Variants in HSPA4 observed in about 807,000 individuals in gnomAD.
HSPA4 encodes heat shock 70 kDa protein 4.
HSPA4 carries 25 observed loss-of-function variants against 106.2 expected under a neutral mutation model. The observed-to-expected ratio is 0.24, with a 90% CI of 0.17 to 0.33. The LOEUF (loss-of-function observed/expected upper bound fraction) is 0.33, where lower values mean the gene tolerates loss of function less well. Ranked by LOEUF, HSPA4 falls within the 10% of genes least tolerant of loss-of-function variation. The pLI, the probability that HSPA4 is intolerant of heterozygous loss-of-function variation, is 1.00. For synonymous variants in HSPA4, 332 were observed against 333.6 expected (o/e 1.00, Z 0.05); for missense variants, 841 against 996.0 (o/e 0.84, Z 2.10).
Position 133,086,831 on chromosome 5 carries a change from C to G in HSPA4, c.958C>G (p.Pro320Ala). Reference sequence around the variant, plus strand: ...TGATCTCTTAGCTAGAGTGGAGCCACCACTTCGTAGTGTTTTGGAACAAAC... The same window carrying G: ...TGATCTCTTAGCTAGAGTGGAGCCAGCACTTCGTAGTGTTTTGGAACAAAC... ...CNDLLARVEP[P>A]LRSVLEQTKL... The change falls in exon 8 of 19, where the codon CCA becomes GCA. Residue 320 changes from proline to alanine, a missense_variant. Physicochemically the swap from Pro to Ala is conservative, Grantham distance 27 (BLOSUM62 -1). Coordinates refer to ENST00000304858, the MANE Select transcript of HSPA4 (RefSeq NM_002154.4). 2 of 1,613,578 alleles carry G rather than the reference C, an allele frequency of 1.2e-6. No homozygotes were observed. Among genetic ancestry groups the G allele is most frequent in the South Asian group, 2.2e-5 (2 of 91,064 alleles).
intron 13 of HSPA4, among the ~76,000 whole-genome samples, 196 bp downstream of exon 13, chr5:133,092,985 A>ATT (rs537301370): frequency 7.6e-6 from 1 of 132,018 alleles, no homozygotes; most frequent in African/African-American, 2.8e-5. Context: ...CACGGCAGCT[A>ATT]TTTTTTTTTT....
intron 16 of HSPA4, among the ~76,000 whole-genome samples, chr5:133,100,044 A>T (rs369784617): frequency 6.6e-6 from 1 of 151,650 alleles, no homozygotes; most frequent in East Asian, 1.9e-4. Context: ...TTATTATTTT[A>T]TTTATTTATT....
At position 133,104,510 on chromosome 5, in the gene HSPA4, A is replaced by G. The variant is rs999040730; in HGVS notation, c.*74A>G. On this transcript the variant is annotated 3_prime_UTR_variant, in exon 19 of 19. Coordinates refer to ENST00000304858, the MANE Select transcript of HSPA4 (RefSeq NM_002154.4). ...GTCAACTTTGTTCTAAATATCAACTAGCGCAAGTGAATACTGAAGATTTCT... is the reference window on the plus strand; with the variant it reads ...GTCAACTTTGTTCTAAATATCAACTGGCGCAAGTGAATACTGAAGATTTCT... 7.5e-6 allele frequency: 10 copies of G among 1,336,632 alleles called. No individual in the cohort carries two copies. The African/African-American group carries it at 1.3e-4, about 18-fold the overall frequency. 82.8% of individuals were successfully genotyped at this position (1,336,632 alleles called of 1,614,324 possible).
chr5:133,074,233 C>A, intron 6 of HSPA4, 107 bp downstream of exon 6: 1 of 646,022 alleles, frequency 1.5e-6, no homozygotes, highest in South Asian at 2.4e-5. Context: ...ACAATGCATA[C>A]CTTACAGGGT....
At chr5:133,071,167 C>T (rs1189170556) in intron 4 of HSPA4, among the ~76,000 whole-genome samples, 1 of 150,470 alleles carries the variant, frequency 6.6e-6, no homozygotes, top group Non-Finnish European at 1.5e-5. Flanking sequence ...TGGTATCTAG[C>T]GTTAAAGACA....
chr5:133,074,822 T>C (rs145958873), intron 6 of HSPA4, among the ~76,000 whole-genome samples: 338 of 152,300 alleles, frequency 2.2e-3, no homozygotes, highest in African/African-American at 7.7e-3. Context: ...TCTGTCATAG[T>C]TGAGTTTGCT....
chr5:133,086,848 G>A lies in HSPA4; in HGVS notation c.975G>A (p.Leu325=). The A allele has an allele frequency of 1.2e-6, 2 of 1,610,428 alleles. No individual in the cohort carries two copies. Among genetic ancestry groups the A allele is most frequent in the Non-Finnish European group, 1.7e-6 (2 of 1,176,766 alleles). Residue 325 remains leucine, a synonymous_variant, in exon 8 of 19, where the codon TTG becomes TTA. Coordinates refer to ENST00000304858, the MANE Select transcript of HSPA4 (RefSeq NM_002154.4). ...ARVEPPLRSV[L]EQTKLKKEDI... ...TGGAGCCACCACTTCGTAGTGTTTT[G>A]GAACAAACCAGTAAGTATTTTTGTG...
intron 3 of HSPA4, 22 bp downstream of exon 3, chr5:133,067,579 CT>C: frequency 6.4e-7 from 1 of 1,559,454 alleles, no homozygotes; most frequent in Non-Finnish European, 8.8e-7. Context: ...AGGTTAATGC[CT>C]TTTAATTAAA....
intron 12 of HSPA4, among the ~76,000 whole-genome samples, chr5:133,092,167 A>G (rs897475888): frequency 6.6e-6 from 1 of 152,232 alleles, no homozygotes; most frequent in Non-Finnish European, 1.5e-5. Flanking sequence ...TGTTGCAGGC[A>G]TTGAGAAGCC....
chr5:133,101,710 C>T, intron 16 of HSPA4, 49 bp from the exon 17 acceptor site: 1 of 1,574,768 alleles, frequency 6.4e-7, no homozygotes, highest in Non-Finnish European at 8.7e-7. Flanking sequence ...GGAATCAGTA[C>T]TCTGGATCGT....
At chr5:133,095,424 TGTAA>T in intron 13 of HSPA4, among the ~76,000 whole-genome samples, 1 of 152,304 alleles carries the variant, frequency 6.6e-6, no homozygotes, top group Non-Finnish European at 1.5e-5. Context: ...ACATATGGCT[TGTAA>T]GTGTCTGAAA....
intron 6 of HSPA4, 37 bp downstream of exon 6, chr5:133,074,163 G>T: frequency 1.4e-6 from 2 of 1,414,766 alleles, no homozygotes; most frequent in Non-Finnish European, 1.9e-6. Flanking sequence ...ACTGTTAGTA[G>T]TATGGTAATT....
Position 133,067,483 on chromosome 5 carries a change from C to G in HSPA4, c.232C>G (p.Pro78Ala). The G allele has an allele frequency of 6.2e-7, 1 of 1,613,406 alleles. No individual in the cohort carries two copies. Among genetic ancestry groups the G allele is most frequent in the Non-Finnish European group, 8.5e-7 (1 of 1,179,348 alleles). The change falls in exon 3 of 19, where the codon CCA (proline) becomes GCA (alanine). Residue 78 changes from proline to alanine, a missense_variant. Around this residue, in one of 5 missense-constraint regions of HSPA4, gnomAD observed 347 missense variants for 408.7 expected, o/e 0.85. Transcript: ENST00000304858. ...ATTCCATGGCCGAGCATTCTCTGAT[C>G]CATTTGTGGAGGCAGAAAAATCTAA... ...KRFHGRAFSDPFVEAEKSNLA... is the reference protein window; with the variant it reads ...KRFHGRAFSDAFVEAEKSNLA...
intron 13 of HSPA4, among the ~76,000 whole-genome samples, chr5:133,094,226 G>A (rs573527198): frequency 5.3e-5 from 8 of 152,140 alleles, no homozygotes; most frequent in African/African-American, 1.9e-4. Context: ...GAGTTGTCAT[G>A]TTTAAATTTT....
chr5:133,059,518 TAGG>T (rs1765210050), intron 1 of HSPA4, among the ~76,000 whole-genome samples: 1 of 148,292 alleles, frequency 6.7e-6, no homozygotes, highest in African/African-American at 2.5e-5. Context: ...GAGGCTGAGG[TAGG>T]AGGATTGCTT....
chr5:133,104,274 A>ACCCAAAGTGGAACCT lies in HSPA4; in HGVS notation c.2364_2378dup (p.Val790_Lys794dup). The ACCCAAAGTGGAACCT allele has an allele frequency of 6.2e-7, 1 of 1,614,176 alleles. No individual in the cohort carries two copies. The highest frequency in any genetic ancestry group is 8.5e-7 in the Non-Finnish European group (1 of 1,180,038). On this transcript the variant is annotated inframe_insertion, in exon 19 of 19. Coordinates refer to ENST00000304858, the MANE Select transcript of HSPA4 (RefSeq NM_002154.4). ...GTAGCCCTATAATTTCAAAGCCCAA[A>ACCCAAAGTGGAACCT]CCCAAAGTGGAACCTCCAAAAGAGG...
At chr5:133,070,586 C>A in intron 4 of HSPA4, 90 bp downstream of exon 4, 1 of 1,468,574 alleles carries the variant, frequency 6.8e-7, no homozygotes, top group Non-Finnish European at 9.4e-7. Flanking sequence ...GTTTTTTTGT[C>A]TCAGGTTGTA....
intron 1 of HSPA4, among the ~76,000 whole-genome samples, chr5:133,060,876 G>C (rs536757399): frequency 7.0e-6 from 1 of 142,518 alleles, no homozygotes; most frequent in East Asian, 2.1e-4. Flanking sequence ...GTGGAGTGTA[G>C]TGGCATGATT....
chr5:133,101,921 C>CTTTTTTT (rs60177569), intron 17 of HSPA4, 43 bp downstream of exon 17: 6 of 719,666 alleles, frequency 8.3e-6, no homozygotes, highest in Non-Finnish European at 1.1e-5. Flanking sequence ...GTAAAGTTAA[C>CTTTTTTT]TTTTTTTTTT....
Sources: gnomAD v4.1 joint callset for allele counts (sites outside exome capture counted in the v4.1 genomes callset) on GRCh38, gnomAD v4.1.1 for gene constraint, gnomAD v4.1.1 regional missense constraint, MANE v1.5 for transcripts, NCBI Gene and HGNC (gene_info 2026-07-23, HGNC 2026-07-21) for gene names.